Variants in SSH2 observed in about 807,000 individuals in gnomAD.
SSH2 encodes protein phosphatase Slingshot homolog 2.
A neutral mutation model predicts 135.2 loss-of-function variants in SSH2; 37 were observed. The ratio of observed to expected loss-of-function variants is 0.27; its 90% CI spans 0.21 to 0.36. SSH2 has a LOEUF of 0.36. Among genes scored for constraint, SSH2 ranks in the 10% least tolerant of loss-of-function variants. SSH2 has a pLI of 1.00. For missense variants in SSH2, 1,408 were observed against 1,765.3 expected (o/e 0.80, Z 3.63); for synonymous variants, 628 against 646.2 (o/e 0.97, Z 0.43).
At chr17:29,652,936 G>A (rs1003409293) in intron 12 of SSH2, among the ~76,000 whole-genome samples, 10 of 152,184 alleles carry the variant, frequency 6.6e-5, no homozygotes, top group African/African-American at 2.2e-4. Flanking sequence ...GATTACAGGT[G>A]TGAACCACCT....
chr17:29,845,405 A>C (rs1312817887), intron 2 of SSH2, among the ~76,000 whole-genome samples: 1 of 152,188 alleles, frequency 6.6e-6, no homozygotes, highest in African/African-American at 2.4e-5. Flanking sequence ...GGGGAAAAAA[A>C]GGTGTGGGAA....
At chr17:29,708,657 T>C (rs1334278083) in intron 3 of SSH2, among the ~76,000 whole-genome samples, 1 of 150,984 alleles carries the variant, frequency 6.6e-6, no homozygotes, top group Admixed American at 6.6e-5. Flanking sequence ...CTTTTTCATG[T>C]TTCTGAATTG....
chr17:29,817,928 C>CTATTAT (rs970414807), intron 2 of SSH2, among the ~76,000 whole-genome samples: 2 of 151,132 alleles, frequency 1.3e-5, no homozygotes, highest in Non-Finnish European at 1.5e-5. Context: ...CAGCTAATTA[C>CTATTAT]TATTATTATT....
intron 5 of SSH2, among the ~76,000 whole-genome samples, chr17:29,686,077 A>G (rs1363092686): frequency 6.6e-6 from 1 of 151,872 alleles, no homozygotes; most frequent in African/African-American, 2.4e-5. Context: ...CAAACTCCCA[A>G]GCTCAGGTGG....
intron 1 of SSH2, among the ~76,000 whole-genome samples, chr17:29,912,192 C>CA (rs2066777851): frequency 6.6e-6 from 1 of 152,104 alleles, no homozygotes; most frequent in South Asian, 2.1e-4. Flanking sequence ...GCCAGAGCTA[C>CA]AATAGCCATC....
chr17:29,646,925 A>G (rs1457012744), intron 14 of SSH2, among the ~76,000 whole-genome samples: 1 of 152,064 alleles, frequency 6.6e-6, no homozygotes. Context: ...CAGTGAAAAC[A>G]AGCACTGAGG....
chr17:29,738,025 C>A (rs925405499), intron 3 of SSH2, among the ~76,000 whole-genome samples: 1 of 152,074 alleles, frequency 6.6e-6, no homozygotes, highest in Non-Finnish European at 1.5e-5. Context: ...TGTGCTGCAC[C>A]CATTAACTTG....
intron 6 of SSH2, among the ~76,000 whole-genome samples, chr17:29,683,211 T>G (rs961799883): frequency 2.0e-5 from 3 of 152,168 alleles, no homozygotes; most frequent in African/African-American, 7.2e-5. Flanking sequence ...CTGGCAGGAT[T>G]TCCTGAGGCT....
chr17:29,829,668 C>G (rs1406500744), intron 2 of SSH2, among the ~76,000 whole-genome samples: 1 of 151,904 alleles, frequency 6.6e-6, no homozygotes, highest in East Asian at 1.9e-4. Context: ...TACAGAGTAC[C>G]TCCTATGTGC....
intron 7 of SSH2, 130 bp downstream of exon 7, chr17:29,677,543 G>T: frequency 1.3e-6 from 1 of 747,236 alleles, no homozygotes; most frequent in Non-Finnish European, 2.4e-6. Flanking sequence ...AGTTTAAAAG[G>T]ACTCATTCAG....
intron 2 of SSH2, among the ~76,000 whole-genome samples, chr17:29,846,708 C>G (rs1287149144): frequency 3.3e-5 from 5 of 152,176 alleles, no homozygotes; most frequent in Admixed American, 3.3e-4. Flanking sequence ...ACTGCATTCA[C>G]TGTGACATGA....
chr17:29,734,076 G>A (rs2040289119), intron 3 of SSH2, among the ~76,000 whole-genome samples: 1 of 152,058 alleles, frequency 6.6e-6, no homozygotes, highest in East Asian at 1.9e-4. Context: ...CCGCCACCAT[G>A]CCTGGCTAAT....
intron 1 of SSH2, among the ~76,000 whole-genome samples, chr17:29,923,098 G>A (rs1427409118): frequency 1.3e-5 from 2 of 152,190 alleles, no homozygotes; most frequent in East Asian, 3.9e-4. Context: ...TTTTAGTAGC[G>A]ACAGGGTTTC....
intron 2 of SSH2, among the ~76,000 whole-genome samples, chr17:29,821,739 G>A (rs1156812411): frequency 8.6e-5 from 13 of 151,800 alleles, no homozygotes. Flanking sequence ...CTGCCCCCGG[G>A]TTCAAGTGAT....
Position 29,631,863 on chromosome 17 carries a change from G to C in SSH2, c.3331C>G (p.Pro1111Ala). 1 of 1,614,228 alleles carries C rather than the reference G, an allele frequency of 6.2e-7. No homozygotes were observed. The highest frequency in any genetic ancestry group is 8.5e-7 in the Non-Finnish European group (1 of 1,180,042). Residue 1111 changes from proline to alanine, a missense_variant, in exon 16 of 16, where the codon CCT (proline) becomes GCT (alanine). Physicochemically the swap from Pro to Ala is conservative, Grantham distance 27 (BLOSUM62 -1). This residue lies in a region of SSH2 where 1,080 missense variants were observed against 1,144.5 expected (regional missense o/e 0.94). Coordinates refer to ENST00000540801, the MANE Select transcript of SSH2 (RefSeq NM_001282129.2). ...QVLPLPHSSS[P>A]EHNRPTDHPT... ...TGGTCAGTGGGTCTGTTGTGCTCAG[G>C]GGAGGAAGAATGAGGCAGAGGTAGC...
intron 1 of SSH2, among the ~76,000 whole-genome samples, chr17:29,900,142 TA>T (rs1284486567): frequency 1.3e-5 from 2 of 152,224 alleles, no homozygotes; most frequent in African/African-American, 4.8e-5. Context: ...CAAGATGGAT[TA>T]AATACTTATA....
rs1352624649 is a variant in SSH2 at position 29,664,352 on chromosome 17, G to A, written c.1032+2515C>T. On this transcript the variant is annotated intron_variant, in intron 11 of 15. Transcript: ENST00000540801. ...CATGCCATTGCACTCCAGCCTGGGC[G>A]ACAGAGCGAGACTCCGTCTCCAAAA... Among the ~76,000 whole-genome samples, 6 of 145,646 alleles carry A rather than the reference G, an allele frequency of 4.1e-5. No individual in the cohort carries two copies. The Admixed American group carries it at 4.2e-4, about 10-fold the overall frequency.
At chr17:29,831,241 A>G (rs905737948) in intron 2 of SSH2, among the ~76,000 whole-genome samples, 2 of 150,744 alleles carry the variant, frequency 1.3e-5, no homozygotes, top group Non-Finnish European at 2.9e-5. Context: ...AAGGACATTG[A>G]ACACGTCTGC....
Position 29,758,348 on chromosome 17 carries a change from C to T in SSH2, c.188+35546G>A, listed in dbSNP as rs140763677. Among the ~76,000 whole-genome samples the T allele has an allele frequency of 1.4e-3, 216 of 152,270 alleles. 1 individual carries two copies. The highest frequency in any genetic ancestry group is 4.5e-3 in the African/African-American group (189 of 41,548). ...ACAGTTTTGTCACTTACTACCCATG[C>T]GGCCTTGAGCAACTACTTACCTTCT... On this transcript the variant is annotated intron_variant, in intron 3 of 15. Transcript: ENST00000540801.
Sources: gnomAD v4.1 joint callset for allele counts (sites outside exome capture counted in the v4.1 genomes callset) on GRCh38, gnomAD v4.1.1 for gene constraint, gnomAD v4.1.1 regional missense constraint, MANE v1.5 for transcripts, NCBI Gene and HGNC (gene_info 2026-07-23, HGNC 2026-07-21) for gene names.